Variants in FES observed in about 807,000 individuals in gnomAD.
FES encodes FES proto-oncogene, tyrosine kinase, also known as tyrosine-protein kinase Fes/Fps.
A neutral mutation model predicts 109.6 loss-of-function variants in FES; 83 were observed. That is an observed-to-expected ratio of 0.76 (90% CI 0.63 to 0.91). FES has a LOEUF of 0.91. FES is among the 40% of genes least tolerant of loss of function. FES has a pLI of 0.00. For missense variants in FES, 943 were observed against 1,070.9 expected (o/e 0.88, Z 1.67); for synonymous variants, 458 against 442.1 (o/e 1.04, Z -0.45).
rs375392546 is a variant in FES, at chr15:90,890,416, G to T, written c.1252G>T (p.Gly418Trp). The T allele has an allele frequency of 8.2e-5, 133 of 1,613,162 alleles. No homozygotes were observed. In the African/African-American group the frequency reaches 1.3e-3, roughly 15 times the overall value. Residue 418 changes from glycine (G) to tryptophan (W), a missense_variant, in exon 10 of 19, where the codon GGG (glycine) becomes TGG (tryptophan). By Grantham distance (184) the Gly-to-Trp change is radical. Transcript: ENST00000328850. ...CTGGCCTCAGGAGCAGGAGCGAGAGGGGGGAAGGACACCCACGCTGGAGAT... is the reference window on the plus strand; with the variant it reads ...CTGGCCTCAGGAGCAGGAGCGAGAGTGGGGAAGGACACCCACGCTGGAGAT... ...STSSSEQERE[G>W]GRTPTLEILK...
intron 3 of FES, among the ~76,000 whole-genome samples, chr15:90,885,933 T>A (rs1007668675): frequency 1.3e-5 from 2 of 151,470 alleles, no homozygotes; most frequent in Non-Finnish European, 2.9e-5. Flanking sequence ...TCAGTCTGTT[T>A]GCCTTCGACC....
At position 90,889,768 on chromosome 15, in the gene FES, C is replaced by T; in HGVS notation, c.927-72C>T. Reference sequence around the variant, plus strand: ...AGGTGGCCGGGCTTGCTTGGCTCTACAGGGATGCACTGGACCTGGGTTGAG... The same window carrying T: ...AGGTGGCCGGGCTTGCTTGGCTCTATAGGGATGCACTGGACCTGGGTTGAG... On this transcript the variant is annotated intron_variant, in intron 7 of 18. Coordinates refer to ENST00000328850, the MANE Select transcript of FES (RefSeq NM_002005.4). The surrounding 1 kb of genome is among the most constrained non-coding windows in gnomAD (Gnocchi z 6.1). 1.2e-6 allele frequency: 2 copies of T among 1,607,460 alleles called. No homozygotes were observed. The highest frequency in any genetic ancestry group is 8.5e-7 in the Non-Finnish European group (1 of 1,176,784).
chr15:90,887,135 G>A (rs2032721146), intron 4 of FES, 52 bp from the exon 5 acceptor site: 1 of 1,611,864 alleles, frequency 6.2e-7, no homozygotes, highest in East Asian at 2.2e-5. Context: ...GAGAGTGGGG[G>A]CTGCCTGGGC....
Position 90,893,942 on chromosome 15 carries a change from ACTC to A in FES, c.2215_2217del (p.Ser739del). On this transcript the variant is annotated inframe_deletion, in exon 18 of 19. Coordinates refer to ENST00000328850, the MANE Select transcript of FES (RefSeq NM_002005.4). ...CTCCTCGCCTCCTCTGCAGGCCGCT[ACTC>A]CTCCGAAAGCGACGTGTGGAGCTTT... The A allele has an allele frequency of 6.2e-7, 1 of 1,613,222 alleles. No homozygotes were observed. The highest frequency in any genetic ancestry group is 8.5e-7 in the Non-Finnish European group (1 of 1,179,860).
At chr15:90,894,801 T>A (rs940031563) in intron 18 of FES, among the ~76,000 whole-genome samples, 3 of 151,810 alleles carry the variant, frequency 2.0e-5, no homozygotes, top group Non-Finnish European at 4.4e-5. Flanking sequence ...GCGCAGTGGC[T>A]CACGCCTGTA....
intron 18 of FES, 71 bp downstream of exon 18, chr15:90,894,129 C>T (rs1247967497): frequency 6.4e-7 from 1 of 1,553,902 alleles, no homozygotes; most frequent in Non-Finnish European, 8.8e-7. Flanking sequence ...ACTCTTCTAA[C>T]TCCCTTAATG....
Position 90,889,948 on chromosome 15 carries a change from C to A in FES, c.1035C>A (p.Thr345=). ...QQELRNEEEN[T]HPRERVQLLG... ...AGCTCCGGAATGAAGAGGAGAACAC[C>A]CACCCCCGGGAGCGGTGAGTGGGCC... Residue 345 remains threonine (T), a synonymous_variant, in exon 8 of 19, where the codon ACC becomes ACA. Coordinates refer to ENST00000328850, the MANE Select transcript of FES (RefSeq NM_002005.4). The surrounding 1 kb of genome is among the most constrained non-coding windows in gnomAD (Gnocchi z 6.1). 1 of 1,613,256 alleles carries A rather than the reference C, an allele frequency of 6.2e-7. No individual in the cohort carries two copies.
chr15:90,894,772 G>A (rs970738939), intron 18 of FES, among the ~76,000 whole-genome samples: 4 of 150,282 alleles, frequency 2.7e-5, no homozygotes, highest in Admixed American at 6.6e-5. Flanking sequence ...ACCTTGACTC[G>A]AAAAAGAAAA....
In FES at chr15:90,889,350, A is replaced by G. The variant is rs1270328579; in HGVS notation, c.713A>G (p.Gln238Arg). The G allele has an allele frequency of 1.2e-6, 2 of 1,613,920 alleles. No homozygotes were observed. The highest frequency in any genetic ancestry group is 2.2e-5 in the East Asian group (1 of 44,872). Residue 238 changes from glutamine to arginine, a missense_variant, in exon 6 of 19, where the codon CAG (glutamine) becomes CGG (arginine). Transcript: ENST00000328850. The surrounding 1 kb of genome is among the most constrained non-coding windows in gnomAD (Gnocchi z 6.1). The stretch of plus-strand genomic sequence containing the variant: ...TACCTGGAGATTAGCAGCCTGGTGC[A>G]GGATGAGGTGGTGGCCATTCACCGG... ...QEYLEISSLV[Q>R]DEVVAIHREM...
At position 90,893,374 on chromosome 15, in the gene FES, G is replaced by A; in HGVS notation, c.2005G>A (p.Ala669Thr). 1 of 1,562,278 alleles carries A rather than the reference G, an allele frequency of 6.4e-7. No homozygotes were observed. The highest frequency in any genetic ancestry group is 8.7e-7 in the Non-Finnish European group (1 of 1,154,764). The change falls in exon 16 of 19, where the codon GCT (alanine) becomes ACT (threonine). Residue 669 changes from alanine to threonine, a missense_variant. Ala to Thr is a moderately conservative substitution (Grantham distance 58). Coordinates refer to ENST00000328850, the MANE Select transcript of FES (RefSeq NM_002005.4). ...TLLQMVGDAA[A>T]GMEYLESKCC... The stretch of plus-strand genomic sequence containing the variant: ...GCTGCAGATGGTGGGGGATGCAGCT[G>A]CTGGCATGGAGTACCTGGAGAGCAA...
rs1008052614 is a variant in FES, at chr15:90,889,734, G to A, written c.926+98G>A. 5.6e-6 allele frequency: 9 copies of A among 1,602,866 alleles called. No homozygotes were observed. Among genetic ancestry groups the A allele is most frequent in the Admixed American group, 3.3e-5 (2 of 59,812 alleles). ...AGGTCGTGGAGACTGTCCACACAGA[G>A]CTGTCACCAGGTGGCCGGGCTTGCT... On this transcript the variant is annotated intron_variant, in intron 7 of 18. Transcript: ENST00000328850. This position sits in a 1 kb window ranked among gnomAD's most constrained non-coding sequence, Gnocchi z 6.1.
chr15:90,887,130 T>TG lies in FES; in HGVS notation c.485-52dup, dbSNP rs1003297054. On this transcript the variant is annotated intron_variant, in intron 4 of 18. Coordinates refer to ENST00000328850, the MANE Select transcript of FES (RefSeq NM_002005.4). ...GACCTGTCCTTGGGTACCCAGAGAG[T>TG]GGGGGCTGCCTGGGCCTCCATGCTG... is the stretch of plus-strand genomic sequence containing the variant. 10 of 1,611,760 alleles carry TG rather than the reference T, an allele frequency of 6.2e-6. No homozygotes were observed. The African/African-American group carries it at 1.2e-4, about 19-fold the overall frequency.
At chr15:90,891,253 A>T in intron 11 of FES, 62 bp downstream of exon 11, 1 of 1,526,054 alleles carries the variant, frequency 6.6e-7, no homozygotes, top group Non-Finnish European at 8.8e-7. Context: ...CCCTTCCCCA[A>T]GGGAAATGGC....
intron 9 of FES, 29 bp from the exon 10 acceptor site, chr15:90,890,372 C>A: frequency 6.2e-7 from 1 of 1,609,094 alleles, no homozygotes; most frequent in African/African-American, 1.3e-5. Flanking sequence ...TAAGCCTGGC[C>A]ACCCGCTGAC....
Position 90,895,569 on chromosome 15 carries a change from C to A in FES, c.*11C>A, listed in dbSNP as rs770565916. 6.5e-7 allele frequency: 1 copy of A among 1,548,162 alleles called. No homozygotes were observed. The highest frequency in any genetic ancestry group is 1.2e-5 in the South Asian group (1 of 82,536). ...AAGCGGCATCGGTGAGGCTGGGACC[C>A]CCTTCTCAAGCTGGTGGCCTCTGCA... On this transcript the variant is annotated 3_prime_UTR_variant, in exon 19 of 19. Coordinates refer to ENST00000328850, the MANE Select transcript of FES (RefSeq NM_002005.4).
Position 90,889,659 on chromosome 15 carries a change from G to T in FES, c.926+23G>T. 1 of 1,611,392 alleles carries T rather than the reference G, an allele frequency of 6.2e-7. No homozygotes were observed. Among genetic ancestry groups the T allele is most frequent in the Non-Finnish European group, 8.5e-7 (1 of 1,179,922 alleles). On this transcript the variant is annotated intron_variant, in intron 7 of 18. Transcript: ENST00000328850. The surrounding 1 kb of genome is among the most constrained non-coding windows in gnomAD (Gnocchi z 6.1). ...CACGTGGGTGGTGGCTTTGCACCTG[G>T]GCTGCGGCGGGGCTCCCAGCAGACC...
intron 3 of FES, 151 bp downstream of exon 3, chr15:90,885,736 C>G: frequency 7.5e-7 from 1 of 1,335,724 alleles, no homozygotes; most frequent in Non-Finnish European, 1.0e-6. Flanking sequence ...AGCTTCCTCT[C>G]TTCCTTCCCC....
chr15:90,885,114 G>A lies in FES; in HGVS notation c.69G>A (p.Glu23=). Residue 23 remains glutamate (E), a synonymous_variant, in exon 2 of 19, where the codon GAG becomes GAA. Transcript: ENST00000328850. ...HGVLQQMQEA[E]LRLLEGMRKW... Reference sequence around the variant, plus strand: ...TCCTGCAGCAAATGCAGGAGGCCGAGCTTCGTCTACTGGAGGGCATGAGAA... The same window carrying A: ...TCCTGCAGCAAATGCAGGAGGCCGAACTTCGTCTACTGGAGGGCATGAGAA... 5 of 1,613,942 alleles carry A rather than the reference G, an allele frequency of 3.1e-6. No homozygotes were observed. Among genetic ancestry groups the A allele is most frequent in the South Asian group, 1.1e-5 (1 of 91,086 alleles).
At chr15:90,891,856 A>G (rs2033247417) in intron 12 of FES, among the ~76,000 whole-genome samples, 180 bp downstream of exon 12, 1 of 152,202 alleles carries the variant, frequency 6.6e-6, no homozygotes, top group South Asian at 2.1e-4. Flanking sequence ...GGCCACTCCT[A>G]TGCCATGGGC....
Sources: gnomAD v4.1 joint callset for allele counts (sites outside exome capture counted in the v4.1 genomes callset) on GRCh38, gnomAD v4.1.1 for gene constraint, Gnocchi (gnomAD v3.1) non-coding constraint, MANE v1.5 for transcripts, NCBI Gene and HGNC (gene_info 2026-07-23, HGNC 2026-07-21) for gene names.